The following ASCC3 variants were observed in gnomAD, a reference collection of about 807,000 sequenced individuals.
The protein encoded by ASCC3 is activating signal cointegrator 1 complex subunit 3.
ASCC3 carries 158 observed loss-of-function variants against 256.3 expected under a neutral mutation model. That is an observed-to-expected ratio of 0.62 (90% CI 0.54 to 0.70). The LOEUF is 0.70. Among genes scored for constraint, ASCC3 ranks in the 30% least tolerant of loss-of-function variants. ASCC3 has a pLI of 0.00. For missense variants in ASCC3, 2,259 were observed against 2,626.0 expected (o/e 0.86, Z 3.05); for synonymous variants, 948 against 883.4 (o/e 1.07, Z -1.30).
intron 10 of ASCC3, among the ~76,000 whole-genome samples, chr6:100,728,883 C>A (rs989357247): frequency 6.6e-6 from 1 of 152,094 alleles, no homozygotes; most frequent in Non-Finnish European, 1.5e-5. Context: ...GGGAAGAAAG[C>A]GCACTTGGTG....
At chr6:100,829,503 C>T (rs932493797) in intron 4 of ASCC3, among the ~76,000 whole-genome samples, 1 of 152,158 alleles carries the variant, frequency 6.6e-6, no homozygotes, top group Non-Finnish European at 1.5e-5. Context: ...ACCGAGCCCA[C>T]GCTCACATGG....
intron 37 of ASCC3, among the ~76,000 whole-genome samples, chr6:100,536,941 T>C (rs1383193042): frequency 6.6e-6 from 1 of 151,924 alleles, no homozygotes; most frequent in Non-Finnish European, 1.5e-5. Flanking sequence ...ATAAAGTAAA[T>C]AAATGGGGGA....
At chr6:100,728,203 A>T (rs1202275978) in intron 10 of ASCC3, among the ~76,000 whole-genome samples, 1 of 151,988 alleles carries the variant, frequency 6.6e-6, no homozygotes, top group African/African-American at 2.4e-5. Context: ...ATGAATATAT[A>T]TTTTTTCATA....
At chr6:100,792,245 C>T (rs1162171090) in intron 8 of ASCC3, among the ~76,000 whole-genome samples, 3 of 151,820 alleles carry the variant, frequency 2.0e-5, no homozygotes, top group Non-Finnish European at 4.4e-5. Flanking sequence ...TACACTAAAT[C>T]ATACAAACAG....
intron 13 of ASCC3, among the ~76,000 whole-genome samples, chr6:100,705,893 C>T (rs1778557767): frequency 6.6e-6 from 1 of 151,908 alleles, no homozygotes. Flanking sequence ...TAATAATGCG[C>T]TATCGTTGAC....
rs1294403584 is a variant in ASCC3, at chr6:100,846,716, T to C, written c.801+1432A>G. ...TACCTTTCTGGTCCACTTGAAAGAGTTAAATCTAGTCATATTTTAAGAATT... is the reference window on the plus strand; with the variant it reads ...TACCTTTCTGGTCCACTTGAAAGAGCTAAATCTAGTCATATTTTAAGAATT... On this transcript the variant is annotated intron_variant, in intron 4 of 41. Transcript: ENST00000369162. Among the ~76,000 whole-genome samples the C allele has an allele frequency of 2.0e-5, 3 of 152,308 alleles. No individual in the cohort carries two copies. The East Asian group carries it at 5.8e-4, about 29-fold the overall frequency.
At chr6:100,742,026 T>C (rs1780459707) in intron 10 of ASCC3, among the ~76,000 whole-genome samples, 1 of 152,198 alleles carries the variant, frequency 6.6e-6, no homozygotes. Context: ...TTGAGGTTGC[T>C]GATCTCTGAC....
chr6:100,740,448 T>C (rs955319110), intron 10 of ASCC3, among the ~76,000 whole-genome samples: 4 of 152,190 alleles, frequency 2.6e-5, no homozygotes, highest in Non-Finnish European at 4.4e-5. Context: ...ATCTATCTGG[T>C]CCACTTGATC....
chr6:100,861,121 T>G (rs1368280870), intron 3 of ASCC3, among the ~76,000 whole-genome samples: 1 of 152,030 alleles, frequency 6.6e-6, no homozygotes, highest in Non-Finnish European at 1.5e-5. Flanking sequence ...AGCTGAAAAG[T>G]AGACTTACTA....
chr6:100,543,558 C>T (rs183960358), intron 36 of ASCC3, among the ~76,000 whole-genome samples: 2 of 151,990 alleles, frequency 1.3e-5, no homozygotes, highest in Admixed American at 1.3e-4. Flanking sequence ...GGCAGAGTGG[C>T]TATATTAATT....
intron 8 of ASCC3, among the ~76,000 whole-genome samples, chr6:100,787,881 A>G (rs890559784): frequency 6.6e-6 from 1 of 152,028 alleles, no homozygotes; most frequent in Non-Finnish European, 1.5e-5. Flanking sequence ...TAAAATTTAC[A>G]GAAGAAAATT....
chr6:100,628,183 T>A (rs993754537), intron 27 of ASCC3, among the ~76,000 whole-genome samples, 196 bp from the exon 28 acceptor site: 3 of 151,460 alleles, frequency 2.0e-5, no homozygotes, highest in Admixed American at 6.6e-5. Flanking sequence ...GATGCTGAAT[T>A]AAAAAAAACT....
Position 100,645,827 on chromosome 6 carries a change from A to T in ASCC3, c.3633+788T>A, listed in dbSNP as rs75352139. On this transcript the variant is annotated intron_variant, in intron 22 of 41. Transcript: ENST00000369162. ...TGGGAATCAAGGATGGACATTTTGA[A>T]AAACTGTATAGTGTTAAATATTCAG... Among the ~76,000 whole-genome samples, 918 of 152,304 alleles carry T rather than the reference A, an allele frequency of 6.0e-3. 12 individuals are homozygous for T. The highest frequency in any genetic ancestry group is 0.021 in the African/African-American group (868 of 41,576).
In ASCC3 at chr6:100,829,675, C is replaced by T. The variant is rs577675543; in HGVS notation, c.801+18473G>A. Among the ~76,000 whole-genome samples the T allele has an allele frequency of 9.8e-5, 15 of 152,298 alleles. No individual in the cohort carries two copies. In the South Asian group the frequency reaches 2.5e-3, roughly 25 times the overall value. ...GCGGGCTGAAGGGCTCCTCAAGTGC[C>T]GCCAAAGTGGGAGCCCAGGCAGAGG... On this transcript the variant is annotated intron_variant, in intron 4 of 41. Transcript: ENST00000369162.
chr6:100,835,977 A>G (rs1771857074), intron 4 of ASCC3, among the ~76,000 whole-genome samples: 1 of 152,034 alleles, frequency 6.6e-6, no homozygotes, highest in South Asian at 2.1e-4. Context: ...CCCTGATTAA[A>G]TCTATTCTCA....
chr6:100,715,467 G>T lies in ASCC3; in HGVS notation c.2146C>A (p.His716Asn), dbSNP rs1425087653. 1 of 1,609,292 alleles carries T rather than the reference G, an allele frequency of 6.2e-7. No individual in the cohort carries two copies. ...ENVLKQVKAGHQVMVFVHARN... is the reference protein window; with the variant it reads ...ENVLKQVKAGNQVMVFVHARN... ...AGCAGATAAAATAAGTGTACCTGGT[G>T]TCCAGCCTTTACTTGCTTCAAAACA... Residue 716 changes from histidine (H) to asparagine (N), a missense_variant, in exon 13 of 42, where the codon CAC becomes AAC. By Grantham distance (68) the His-to-Asn change is moderately conservative. This residue lies in a region of ASCC3 where 1,839 missense variants were observed against 2,206.7 expected (regional missense o/e 0.83). Coordinates refer to ENST00000369162, the MANE Select transcript of ASCC3 (RefSeq NM_006828.4).
At chr6:100,731,646 T>C (rs944653623) in intron 10 of ASCC3, among the ~76,000 whole-genome samples, 6 of 152,222 alleles carry the variant, frequency 3.9e-5, no homozygotes, top group Non-Finnish European at 8.8e-5. Context: ...TGGTGAGACC[T>C]AATCGTTACA....
chr6:100,602,071 G>A (rs1772647534), intron 33 of ASCC3, 136 bp from the exon 34 acceptor site: 1 of 845,936 alleles, frequency 1.2e-6, no homozygotes, highest in African/African-American at 1.7e-5. Context: ...TAAATATTTA[G>A]TATATAATTT....
intron 37 of ASCC3, among the ~76,000 whole-genome samples, chr6:100,529,425 A>G (rs1175673541): frequency 6.6e-6 from 1 of 152,194 alleles, no homozygotes; most frequent in African/African-American, 2.4e-5. Context: ...CACCCTACCA[A>G]CTGGACACTG....
Sources: allele counts gnomAD v4.1 joint callset (sites outside exome capture counted in the v4.1 genomes callset), GRCh38; gene constraint gnomAD v4.1.1; regional missense constraint gnomAD v4.1.1; transcripts MANE v1.5; gene names NCBI Gene and HGNC (gene_info 2026-07-23, HGNC 2026-07-21).